The following POLD1 variants were observed in gnomAD, a reference collection of about 807,000 sequenced individuals.
The protein encoded by POLD1 is DNA polymerase delta 1, catalytic subunit, also known as DNA polymerase delta catalytic subunit.
A neutral mutation model predicts 129.7 loss-of-function variants in POLD1; 79 were observed. That is an observed-to-expected ratio of 0.61 (90% CI 0.51 to 0.73). The LOEUF (loss-of-function observed/expected upper bound fraction) is 0.73. Among genes scored for constraint, POLD1 ranks in the 30% least tolerant of loss-of-function variants. The pLI, the probability that POLD1 is intolerant of heterozygous loss-of-function variation, is 0.00. For synonymous variants in POLD1, 714 were observed against 683.3 expected (o/e 1.04, Z -0.70); for missense variants, 1,338 against 1,595.8 (o/e 0.84, Z 2.75).
chr19:50,412,451 C>T (rs1266571532), intron 17 of POLD1, among the ~76,000 whole-genome samples: 1 of 150,826 alleles, frequency 6.6e-6, no homozygotes, highest in Non-Finnish European at 1.5e-5. Context: ...CCACGCTTGG[C>T]CTCCTGTCTC....
At chr19:50,399,717 T>C (rs1343981251) in intron 3 of POLD1, among the ~76,000 whole-genome samples, 1 of 152,222 alleles carries the variant, frequency 6.6e-6, no homozygotes, top group Non-Finnish European at 1.5e-5. Flanking sequence ...GGGAGGTGCT[T>C]GGAGCGTTGA....
chr19:50,398,147 T>TG (rs2038439574), intron 1 of POLD1, among the ~76,000 whole-genome samples: 1 of 152,024 alleles, frequency 6.6e-6, no homozygotes, highest in Non-Finnish European at 1.5e-5. Flanking sequence ...TTCTAGGCAT[T>TG]TGAGATTATT....
intron 22 of POLD1, 47 bp downstream of exon 22, chr19:50,415,873 A>C: frequency 3.6e-5 from 48 of 1,320,004 alleles, no homozygotes; most frequent in Non-Finnish European, 4.6e-5. Context: ...CCTCGCTCTC[A>C]CTTCTGCTTT....
At position 50,407,389 on chromosome 19, in the gene POLD1, A is replaced by G. The variant is rs758050036; in HGVS notation, c.1749A>G (p.Gly583=). Residue 583 remains glycine (G), a synonymous_variant, in exon 14 of 27, where the codon GGA becomes GGG. Coordinates refer to ENST00000440232, the MANE Select transcript of POLD1 (RefSeq NM_002691.4). ...VKSEGGEDYT[G]ATVIEPLKGY... ...CAGAGGGCGGCGAGGACTACACGGG[A>G]GCCACTGTCATCGAGCCCCTCAAAG... 1 of 1,610,332 alleles carries G rather than the reference A, an allele frequency of 6.2e-7. No individual in the cohort carries two copies. The highest frequency in any genetic ancestry group is 8.5e-7 in the Non-Finnish European group (1 of 1,177,792).
At chr19:50,405,282 C>A (rs557903502) in intron 10 of POLD1, among the ~76,000 whole-genome samples, 104 of 152,318 alleles carry the variant, frequency 6.8e-4, no homozygotes, top group African/African-American at 2.4e-3. Context: ...CTTCACTTGA[C>A]CCCCTGCGAA....
chr19:50,404,570 CTTTCT>C (rs1456539302), intron 10 of POLD1, among the ~76,000 whole-genome samples: 3 of 94,494 alleles, frequency 3.2e-5, no homozygotes, highest in Non-Finnish European at 6.2e-5. Context: ...CCCCTTTTCT[CTTTCT>C]TTTTTTTTTT....
intron 14 of POLD1, 73 bp downstream of exon 14, chr19:50,407,488 C>T: frequency 2.0e-6 from 2 of 1,022,826 alleles, no homozygotes; most frequent in Non-Finnish European, 1.4e-6. Flanking sequence ...CACTTGAGCT[C>T]AGGAGTTTGA....
At chr19:50,391,568 G>T (rs189436453) in intron 1 of POLD1, among the ~76,000 whole-genome samples, 1 of 152,010 alleles carries the variant, frequency 6.6e-6, no homozygotes, top group Non-Finnish European at 1.5e-5. Flanking sequence ...ATGGCGGTGC[G>T]TGCCTGCAAT....
rs2038902294 is a variant in POLD1 at position 50,406,781 on chromosome 19, TCCTC to T, written c.1495-197_1495-194del. 6.6e-6 allele frequency among the ~76,000 whole-genome samples: 1 copy of T among 151,668 alleles called. No individual in the cohort carries two copies. Among genetic ancestry groups the T allele is most frequent in the African/African-American group, 2.4e-5 (1 of 41,224 alleles). ...CGGTGGCCTTCAGGCTGCTCCCTCCTCCTCCCTCTGGCCCTGTGGACTCCCTGGC... is the reference window on the plus strand; with the variant it reads ...CGGTGGCCTTCAGGCTGCTCCCTCCTCCTCTGGCCCTGTGGACTCCCTGGC... On this transcript the variant is annotated intron_variant, in intron 12 of 26. Transcript: ENST00000440232. The surrounding 1 kb of genome is among the most constrained non-coding windows in gnomAD (Gnocchi z 5.5).
At chr19:50,396,206 C>G (rs963398246) in intron 1 of POLD1, among the ~76,000 whole-genome samples, 7 of 150,794 alleles carry the variant, frequency 4.6e-5, no homozygotes, top group African/African-American at 1.7e-4. Flanking sequence ...CCTGCCTCGG[C>G]CTCCCGAGTA....
rs753235009 is a variant in POLD1 at position 50,417,914 on chromosome 19, G to T, written c.3291G>T (p.Arg1097=). 1 of 1,611,450 alleles carries T rather than the reference G, an allele frequency of 6.2e-7. No homozygotes were observed. Among genetic ancestry groups the T allele is most frequent in the South Asian group, 1.1e-5 (1 of 90,462 alleles). Residue 1097 remains arginine (R), a synonymous_variant, in exon 27 of 27, where the codon CGG becomes CGT. Coordinates refer to ENST00000440232, the MANE Select transcript of POLD1 (RefSeq NM_002691.4). The part of the protein sequence containing the change: ...KDLEDQEQLL[R]RFGPPGPEAW ...TGGAAGACCAGGAGCAGCTCCTGCG[G>T]CGCTTCGGACCCCCTGGACCTGAGG...
rs759215154 is a variant in POLD1, at chr19:50,416,553, G to A, written c.2953+25G>A. ...CGTACGGGGGCACCAGGGGACTGGGGGCACCCTGGGGGGGCAGAGGAGATC... is the reference window on the plus strand; with the variant it reads ...CGTACGGGGGCACCAGGGGACTGGGAGCACCCTGGGGGGGCAGAGGAGATC... On this transcript the variant is annotated intron_variant, in intron 23 of 26. Transcript: ENST00000440232. The A allele has an allele frequency of 2.6e-6, 4 of 1,548,056 alleles. No homozygotes were observed. The South Asian group carries it at 3.6e-5, about 14-fold the overall frequency.
At position 50,417,975 on chromosome 19, in the gene POLD1, C is replaced by T. The variant is rs375062208; in HGVS notation, c.*28C>T. On this transcript the variant is annotated 3_prime_UTR_variant, in exon 27 of 27. Coordinates refer to ENST00000440232, the MANE Select transcript of POLD1 (RefSeq NM_002691.4). The stretch of plus-strand genomic sequence containing the variant: ...TTGCAAGCATCCCATGGGGCGGGGG[C>T]GGGACCAGGGAGAATTAATAAAGTT... 1.7e-5 allele frequency: 22 copies of T among 1,318,458 alleles called. No homozygotes were observed. The highest frequency in any genetic ancestry group is 9.0e-5 in the Admixed American group (5 of 55,760). 81.7% of individuals were successfully genotyped at this position (1,318,458 alleles called of 1,614,324 possible).
At position 50,409,775 on chromosome 19, in the gene POLD1, C is replaced by T. The variant is rs1042394576; in HGVS notation, c.2154+109C>T. On this transcript the variant is annotated intron_variant, in intron 17 of 26. Transcript: ENST00000440232. The surrounding 1 kb of genome is among the most constrained non-coding windows in gnomAD (Gnocchi z 5.8). Reference sequence around the variant, plus strand: ...ATCCAGAGGACTGGGCACCCCAACTCACTGGCCTTCTAGAGAGAGGATGCC... The same window carrying T: ...ATCCAGAGGACTGGGCACCCCAACTTACTGGCCTTCTAGAGAGAGGATGCC... The T allele has an allele frequency of 4.9e-6, 6 of 1,213,242 alleles. No homozygotes were observed. Among genetic ancestry groups the T allele is most frequent in the Non-Finnish European group, 6.9e-6 (6 of 863,730 alleles). 75.2% of individuals were successfully genotyped at this position (1,213,242 alleles called of 1,614,324 possible).
intron 17 of POLD1, 50 bp from the exon 18 acceptor site, chr19:50,413,376 A>G (rs752722793): frequency 6.6e-7 from 1 of 1,522,652 alleles, no homozygotes; most frequent in South Asian, 1.1e-5. Flanking sequence ...GCCCACGTTC[A>G]CTGCACATGG....
intron 3 of POLD1, among the ~76,000 whole-genome samples, chr19:50,400,931 C>T (rs973003879): frequency 3.9e-4 from 58 of 150,334 alleles, no homozygotes; most frequent in African/African-American, 1.3e-3. Context: ...CTCCTGACCT[C>T]GTGATCCGCC....
chr19:50,416,672 G>A lies in POLD1; in HGVS notation c.3016G>A (p.Ala1006Thr), dbSNP rs376197467. ...TGKVGGLLAF[A>T]KRRNCCIGCR... is the part of the protein sequence containing the mutation. ...CAAGGTGGGCGGCCTCCTGGCCTTCGCCAAACGCCGCAACTGCTGCATTGG... is the reference window on the plus strand; with the variant it reads ...CAAGGTGGGCGGCCTCCTGGCCTTCACCAAACGCCGCAACTGCTGCATTGG... The change falls in exon 24 of 27, where the codon GCC becomes ACC. Residue 1006 changes from alanine to threonine, a missense_variant. Ala to Thr is a moderately conservative substitution (Grantham distance 58, BLOSUM62 0). Transcript: ENST00000440232. The A allele has an allele frequency of 4.0e-5, 63 of 1,556,242 alleles. No homozygotes were observed. Among genetic ancestry groups the A allele is most frequent in the East Asian group, 4.8e-5 (2 of 41,764 alleles).
chr19:50,401,756 G>A, intron 3 of POLD1, 22 bp from the exon 4 acceptor site: 3 of 1,610,364 alleles, frequency 1.9e-6, no homozygotes, highest in Non-Finnish European at 2.5e-6. Context: ...CATGGCCGCT[G>A]TCTTACCCTG....
Position 50,416,528 on chromosome 19 carries a change from C to A in POLD1, c.2953C>A (p.Arg985=). The change falls in exon 23 of 27, where the codon CGG becomes AGG. Residue 985 remains arginine (R), a splice_region_variant and synonymous_variant. Coordinates refer to ENST00000440232, the MANE Select transcript of POLD1 (RefSeq NM_002691.4). ...GGGCCGTGCCGAGGCTGTGCTACTG[C>A]GTACGGGGGCACCAGGGGACTGGGG... ...GEGRAEAVLL[R]GDHTRCKTVL... is the part of the protein sequence containing the mutation. 6.4e-7 allele frequency: 1 copy of A among 1,552,190 alleles called. No homozygotes were observed. The highest frequency in any genetic ancestry group is 1.2e-5 in the South Asian group (1 of 84,408).
Sources: gnomAD v4.1 joint callset for allele counts (sites outside exome capture counted in the v4.1 genomes callset) on GRCh38, gnomAD v4.1.1 for gene constraint, Gnocchi (gnomAD v3.1) non-coding constraint, MANE v1.5 for transcripts, NCBI Gene and HGNC (gene_info 2026-07-23, HGNC 2026-07-21) for gene names.